The following SOS1 variants were observed in gnomAD, a reference collection of about 807,000 sequenced individuals.
SOS1 encodes son of sevenless homolog 1.
Under a neutral mutation model 157.6 loss-of-function variants are expected in SOS1, and 25 were observed. That is an observed-to-expected ratio of 0.16 (90% confidence interval 0.12 to 0.22). The LOEUF is 0.22. SOS1 is among the 10% of genes least tolerant of loss of function. SOS1 has a pLI of 1.00. For missense variants in SOS1, 1,237 were observed against 1,599.1 expected, an observed-to-expected ratio of 0.77 and a Z score of 3.86; for synonymous variants, 528 against 534.0, an observed-to-expected ratio of 0.99 and a Z score of 0.16.
At chr2:39,038,842 TA>T (rs1244504271) in intron 6 of SOS1, among the ~76,000 whole-genome samples, 1 of 151,714 alleles carries the variant, frequency 6.6e-6, no homozygotes, top group African/African-American at 2.4e-5. Flanking sequence ...ACTTAGTTGA[TA>T]AAACGGTGGC....
intron 1 of SOS1, among the ~76,000 whole-genome samples, chr2:39,086,459 T>C (rs1160361347): frequency 6.6e-6 from 1 of 152,200 alleles, no homozygotes; most frequent in Non-Finnish European, 1.5e-5. Context: ...TTGAGATCTT[T>C]CAGACATGCA....
intron 1 of SOS1, among the ~76,000 whole-genome samples, chr2:39,078,614 G>T (rs1429936796): frequency 6.6e-6 from 1 of 152,164 alleles, no homozygotes; most frequent in Non-Finnish European, 1.5e-5. Flanking sequence ...ATGGGACCGT[G>T]AACCCTACTG....
chr2:39,050,248 T>G (rs1057140918), intron 6 of SOS1, among the ~76,000 whole-genome samples: 6 of 152,188 alleles, frequency 3.9e-5, no homozygotes, highest in Non-Finnish European at 7.4e-5. Flanking sequence ...GAATGACTCT[T>G]AATGCTAACT....
chr2:39,113,587 A>G (rs879676991), intron 1 of SOS1, among the ~76,000 whole-genome samples: 2 of 152,154 alleles, frequency 1.3e-5, no homozygotes, highest in East Asian at 3.8e-4. Flanking sequence ...TTCTGTAACT[A>G]AATTACATGG....
intron 1 of SOS1, among the ~76,000 whole-genome samples, chr2:39,116,889 GCTT>G (rs1393652442): frequency 6.6e-6 from 1 of 151,924 alleles, no homozygotes; most frequent in East Asian, 1.9e-4. Flanking sequence ...TTTATCAATG[GCTT>G]CTAATTACCC....
At chr2:39,077,843 T>C (rs532984574) in intron 1 of SOS1, among the ~76,000 whole-genome samples, 2 of 152,172 alleles carry the variant, frequency 1.3e-5, no homozygotes, top group South Asian at 2.1e-4. Flanking sequence ...AAGCAAAAGA[T>C]TCAGAAACTT....
chr2:39,122,115 T>C (rs140750090), upstream of SOS1, among the ~76,000 whole-genome samples: 322 of 152,256 alleles, frequency 2.1e-3, 2 homozygotes, highest in Non-Finnish European at 3.4e-3. Flanking sequence ...GAAAAACAAC[T>C]CTTAGGTTAT....
In SOS1 at chr2:39,105,678, A is replaced by C. The variant is rs188926064; in HGVS notation, c.87+14658T>G. ...TTTGGGAGGCCGAGGTGGGTAGATG[A>C]CCTGAAATCAGGAGTTCAAGACCTG... On this transcript the variant is annotated intron_variant, in intron 1 of 22. Transcript: ENST00000402219. Among the ~76,000 whole-genome samples the C allele has an allele frequency of 1.4e-3, 210 of 151,826 alleles. 1 individual carries two copies. Among genetic ancestry groups the C allele is most frequent in the African/African-American group, 4.6e-3 (192 of 41,420 alleles).
chr2:39,031,180 T>C (rs530229660), intron 8 of SOS1, among the ~76,000 whole-genome samples: 70 of 152,196 alleles, frequency 4.6e-4, no homozygotes, highest in Non-Finnish European at 8.7e-4. Flanking sequence ...AATACACTCA[T>C]GTACACACAA....
chr2:39,045,531 T>C (rs2124585099), intron 6 of SOS1, among the ~76,000 whole-genome samples: 1 of 152,288 alleles, frequency 6.6e-6, no homozygotes, highest in Non-Finnish European at 1.5e-5. Context: ...GAAGTGTTTC[T>C]CTTTTTTCCT....
intron 6 of SOS1, among the ~76,000 whole-genome samples, chr2:39,037,789 C>T (rs932313592): frequency 1.3e-5 from 2 of 152,030 alleles, no homozygotes; most frequent in African/African-American, 4.8e-5. Flanking sequence ...TCCTAGGGCC[C>T]TTAAGGATTG....
intron 1 of SOS1, among the ~76,000 whole-genome samples, chr2:39,092,110 G>C (rs548420568): frequency 3.9e-5 from 6 of 152,196 alleles, no homozygotes; most frequent in African/African-American, 1.4e-4. Context: ...TAGTGCTAAA[G>C]CCCTACATGA....
At chr2:39,108,757 G>A (rs567725590) in intron 1 of SOS1, among the ~76,000 whole-genome samples, 209 of 152,198 alleles carry the variant, frequency 1.4e-3, no homozygotes, top group African/African-American at 4.9e-3. Context: ...GCCAGGAGTG[G>A]TGGTACACAC....
At chr2:38,995,869 T>C (rs1668874804) in intron 19 of SOS1, among the ~76,000 whole-genome samples, 1 of 152,226 alleles carries the variant, frequency 6.6e-6, no homozygotes, top group Non-Finnish European at 1.5e-5. Context: ...ATGTTGGTTT[T>C]ATTGCATTTT....
At chr2:39,078,802 C>G (rs1251910624) in intron 1 of SOS1, among the ~76,000 whole-genome samples, 3 of 152,112 alleles carry the variant, frequency 2.0e-5, no homozygotes, top group Non-Finnish European at 4.4e-5. Context: ...TGATTCATGC[C>G]TGTAATCCCA....
intron 17 of SOS1, among the ~76,000 whole-genome samples, chr2:39,005,645 T>C (rs1669260291): frequency 6.6e-6 from 1 of 151,846 alleles, no homozygotes; most frequent in South Asian, 2.1e-4. Flanking sequence ...TGTGGGAAAA[T>C]ATATTAAAAG....
chr2:39,051,426 G>A (rs935663847), intron 5 of SOS1, 139 bp from the exon 6 acceptor site: 4 of 720,840 alleles, frequency 5.5e-6, no homozygotes, highest in South Asian at 4.9e-5. Flanking sequence ...TTAGAAATAT[G>A]AATAAAGGAC....
At chr2:39,026,176 A>G (rs4670271) in intron 8 of SOS1, among the ~76,000 whole-genome samples, 151,447 of 152,044 alleles carry the variant, frequency 1, 75,429 homozygotes, top group Middle Eastern at 1. Flanking sequence ...CCAATATGGT[A>G]AAACCCCGTC....
At chr2:39,037,469 T>C (rs534251002) in intron 6 of SOS1, among the ~76,000 whole-genome samples, 11 of 152,362 alleles carry the variant, frequency 7.2e-5, no homozygotes, top group African/African-American at 2.6e-4. Flanking sequence ...TGTATGAATA[T>C]ATCAGTTTTC....
Sources: gnomAD v4.1 joint callset for allele counts (sites outside exome capture counted in the v4.1 genomes callset) on GRCh38, gnomAD v4.1.1 for gene constraint, MANE v1.5 for transcripts, NCBI Gene and HGNC (gene_info 2026-07-23, HGNC 2026-07-21) for gene names.